The following TMEM255B variants were observed in gnomAD, a reference collection of about 807,000 sequenced individuals.
TMEM255B encodes transmembrane protein 255B.
Under a neutral mutation model 34.5 loss-of-function variants are expected in TMEM255B, and 35 were observed. The observed-to-expected ratio is 1.01, with a 90% CI of 0.77 to 1.34. The LOEUF (loss-of-function observed/expected upper bound fraction) is 1.34, where lower values mean the gene tolerates loss of function less well. Ranked by LOEUF, TMEM255B falls within the 40% of genes most tolerant of loss-of-function variation. The pLI, the probability that TMEM255B is intolerant of heterozygous loss-of-function variation, is 0.00. For synonymous variants in TMEM255B, 206 were observed against 201.2 expected, an observed-to-expected ratio of 1.02 and a Z score of -0.20; for missense variants, 432 against 433.2, an observed-to-expected ratio of 1.00 and a Z score of 0.02.
In TMEM255B at chr13:113,806,994, C is replaced by A. The variant is rs78470954; in HGVS notation, c.813+1966C>A. On this transcript the variant is annotated intron_variant, in intron 8 of 8. Transcript: ENST00000375353. This position sits in a 1 kb window ranked among gnomAD's most constrained non-coding sequence, Gnocchi z 4.2. ...GCTGTCTTCCATCCTCAACCTCAGCCGCTGCCCCTCAGGGCCCCAGAGGAG... is the reference window on the plus strand; with the variant it reads ...GCTGTCTTCCATCCTCAACCTCAGCAGCTGCCCCTCAGGGCCCCAGAGGAG... Among the ~76,000 whole-genome samples, 1 of 152,150 alleles carries A rather than the reference C, an allele frequency of 6.6e-6. No individual in the cohort carries two copies.
At position 113,812,014 on chromosome 13, in the gene TMEM255B, C is replaced by T; in HGVS notation, c.*111C>T. 7.3e-7 allele frequency: 1 copy of T among 1,368,136 alleles called. No individual in the cohort carries two copies. Among genetic ancestry groups the T allele is most frequent in the Non-Finnish European group, 1.0e-6 (1 of 1,002,940 alleles). The allele number at this position is 1,368,136 out of a possible 1,614,324, so 84.7% of individuals were successfully genotyped here. ...TCCTAGAGAACCCGGGAGAATGTTC[C>T]AGAAGTCTGTCCCCTCCTTTCCTCC... On this transcript the variant is annotated 3_prime_UTR_variant, in exon 9 of 9. Transcript: ENST00000375353.
Position 113,806,839 on chromosome 13 carries a change from C to CGCAGGGGTAGAAGGAGGAGGCCT in TMEM255B, c.813+1818_813+1819insTAGAAGGAGGAGGCCTGCAGGGG, listed in dbSNP as rs1279456466. Among the ~76,000 whole-genome samples, 616 of 137,574 alleles carry CGCAGGGGTAGAAGGAGGAGGCCT rather than the reference C, an allele frequency of 4.5e-3. 1 individual carries two copies. Among genetic ancestry groups the CGCAGGGGTAGAAGGAGGAGGCCT allele is most frequent in the Non-Finnish European group, 6.9e-3 (442 of 64,136 alleles). 90.3% of individuals were successfully genotyped at this position (137,574 alleles called of 152,430 possible). On this transcript the variant is annotated intron_variant, in intron 8 of 8. Transcript: ENST00000375353. This position sits in a 1 kb window ranked among gnomAD's most constrained non-coding sequence, Gnocchi z 4.2. ...CCCGCAGGGGTAGAAGGAGGAGGCC[C>CGCAGGGGTAGAAGGAGGAGGCCT]GCAGGGGCAGAGGTATCTCCAGGGA...
At chr13:113,786,199 T>C (rs945249849) in intron 3 of TMEM255B, among the ~76,000 whole-genome samples, 4 of 151,496 alleles carry the variant, frequency 2.6e-5, no homozygotes, top group African/African-American at 7.3e-5. Flanking sequence ...GCTGTCACCA[T>C]TGTCACCATC....
chr13:113,784,353 T>C (rs956782131), intron 3 of TMEM255B, among the ~76,000 whole-genome samples: 4 of 152,136 alleles, frequency 2.6e-5, no homozygotes. Context: ...CCACTGGTCC[T>C]CTGAGGACCA....
intron 3 of TMEM255B, among the ~76,000 whole-genome samples, chr13:113,780,979 A>C (rs1207206190): frequency 6.6e-6 from 1 of 152,218 alleles, no homozygotes; most frequent in Non-Finnish European, 1.5e-5. Flanking sequence ...TATTTATACA[A>C]ACACAGCCCA....
chr13:113,779,017 G>A (rs1181058355), intron 3 of TMEM255B, among the ~76,000 whole-genome samples: 1 of 152,222 alleles, frequency 6.6e-6, no homozygotes, highest in African/African-American at 2.4e-5. Context: ...ACAGACTAAA[G>A]GTATTTAAGG....
chr13:113,793,530 G>A (rs980872545), intron 3 of TMEM255B, among the ~76,000 whole-genome samples: 3 of 152,206 alleles, frequency 2.0e-5, no homozygotes, highest in Admixed American at 6.5e-5. Context: ...CGCAGGGACC[G>A]TGCCGGTCTG....
chr13:113,790,052 A>G (rs992152616), intron 3 of TMEM255B, among the ~76,000 whole-genome samples: 1 of 151,730 alleles, frequency 6.6e-6, no homozygotes, highest in East Asian at 1.9e-4. Flanking sequence ...CTGACTGGGC[A>G]CGTGGACATC....
intron 8 of TMEM255B, among the ~76,000 whole-genome samples, chr13:113,807,013 A>G (rs80092491): frequency 0.087 from 13,303 of 152,230 alleles, 676 homozygotes; most frequent in Admixed American, 0.14. Flanking sequence ...TCAGGGCCCC[A>G]GAGGAGAGAC....
At chr13:113,799,692 A>G (rs1255625458) in intron 5 of TMEM255B, 14 of 686,916 alleles carry the variant, frequency 2.0e-5, no homozygotes, top group African/African-American at 1.8e-4. Flanking sequence ...TGGCTCTTCC[A>G]ATTAGCATTT....
chr13:113,801,729 C>T lies in TMEM255B; in HGVS notation c.586C>T (p.Leu196Phe), dbSNP rs1197385367. The T allele has an allele frequency of 6.2e-7, 1 of 1,613,090 alleles. No homozygotes were observed. The highest frequency in any genetic ancestry group is 1.3e-5 in the African/African-American group (1 of 74,934). ...CQDVLHLYRL[L>F]WASAVLNVLG... ...GGACGTGCTGCACCTGTACCGCCTG[C>T]TCTGGGCCTCTGCAGTTCTGAACGT... The change falls in exon 7 of 9, where the codon CTC (leucine) becomes TTC (phenylalanine). Residue 196 changes from leucine (L) to phenylalanine (F), a missense_variant. Physicochemically the swap from Leu to Phe is conservative, Grantham distance 22 (BLOSUM62 0). Coordinates refer to ENST00000375353, the MANE Select transcript of TMEM255B (RefSeq NM_182614.4).
intron 1 of TMEM255B, among the ~76,000 whole-genome samples, chr13:113,759,516 C>T (rs2050258687): frequency 6.6e-6 from 1 of 152,124 alleles, no homozygotes; most frequent in African/African-American, 2.4e-5. Context: ...CCTACCGGTT[C>T]GTTCATTCAT....
At chr13:113,774,352 C>G (rs562263167) in intron 3 of TMEM255B, among the ~76,000 whole-genome samples, 1 of 152,194 alleles carries the variant, frequency 6.6e-6, no homozygotes, top group African/African-American at 2.4e-5. Context: ...ACTGTTTCCT[C>G]CTCACCCAAA....
At chr13:113,796,924 C>T (rs1293628745) in intron 4 of TMEM255B, among the ~76,000 whole-genome samples, 1 of 152,056 alleles carries the variant, frequency 6.6e-6, no homozygotes. Flanking sequence ...CGCACGCATG[C>T]ACACACCACG....
chr13:113,768,189 C>T (rs199897202), intron 2 of TMEM255B: 84 of 470,468 alleles, frequency 1.8e-4, no homozygotes, highest in African/African-American at 1.1e-3. Flanking sequence ...GGCGCACCTG[C>T]GTGGGAGCAA....
intron 5 of TMEM255B, among the ~76,000 whole-genome samples, chr13:113,800,301 CTGTGTGTGTGTGTGTGTGTGTGTG>C (rs1220505809): frequency 2.1e-5 from 2 of 97,052 alleles, no homozygotes; most frequent in Non-Finnish European, 3.9e-5. Context: ...GAGGCGTCCT[CTGTGTGTGTGTGTGTGTGTGTGTG>C]TGTGTGTGTG....
At chr13:113,760,160 A>C (rs1385577339) in intron 1 of TMEM255B, among the ~76,000 whole-genome samples, 5 of 152,146 alleles carry the variant, frequency 3.3e-5, no homozygotes, top group African/African-American at 1.2e-4. Context: ...ATCCAACACA[A>C]ACTTCTGGGG....
intron 2 of TMEM255B, among the ~76,000 whole-genome samples, chr13:113,767,050 G>A (rs1444926389): frequency 3.9e-5 from 6 of 152,226 alleles, no homozygotes; most frequent in Admixed American, 3.9e-4. Context: ...GAGCCTGGTT[G>A]CTACGTCATA....
Position 113,801,799 on chromosome 13 carries a change from C to T in TMEM255B, c.656C>T (p.Ala219Val). The T allele has an allele frequency of 6.2e-7, 1 of 1,608,022 alleles. No individual in the cohort carries two copies. The highest frequency in any genetic ancestry group is 8.5e-7 in the Non-Finnish European group (1 of 1,177,274). ...ATCATCACCGCCGCCGTCCTGGGGG[C>T]CTTCAAGGACATGGTGAGGCCCCTT... ...LGIITAAVLG[A>V]FKDMVPLSQL... is the part of the protein sequence containing the mutation. The change falls in exon 7 of 9, where the codon GCC (alanine) becomes GTC (valine). Residue 219 changes from alanine (A) to valine (V), a missense_variant. Physicochemically the swap from Ala to Val is moderately conservative, Grantham distance 64. Transcript: ENST00000375353.
Sources: allele counts gnomAD v4.1 joint callset (sites outside exome capture counted in the v4.1 genomes callset), GRCh38; gene constraint gnomAD v4.1.1; non-coding constraint Gnocchi (gnomAD v3.1); transcripts MANE v1.5; gene names NCBI Gene and HGNC (gene_info 2026-07-23, HGNC 2026-07-21).